The following NRG3 variants were observed in gnomAD, a reference collection of about 807,000 sequenced individuals.
NRG3 encodes pro-neuregulin-3, membrane-bound isoform.
NRG3 carries 31 observed loss-of-function variants against 66.9 expected under a neutral mutation model. The ratio of observed to expected loss-of-function variants is 0.46; its 90% confidence interval spans 0.35 to 0.63. The LOEUF (loss-of-function observed/expected upper bound fraction) is 0.63, where lower values mean the gene tolerates loss of function less well. Ranked by LOEUF, NRG3 falls within the 20% of genes least tolerant of loss-of-function variation. The pLI, the probability that NRG3 is intolerant of heterozygous loss-of-function variation, is 0.00. For missense variants in NRG3, 910 were observed against 878.9 expected, an observed-to-expected ratio of 1.04 and a Z score of -0.45; for synonymous variants, 393 against 359.4, an observed-to-expected ratio of 1.09 and a Z score of -1.06.
At chr10:82,061,839 C>T (rs1453281433) in intron 1 of NRG3, among the ~76,000 whole-genome samples, 1 of 109,338 alleles carries the variant, frequency 9.1e-6, no homozygotes, top group Non-Finnish European at 2.1e-5. Context: ...TGTCAGTGTC[C>T]CTTTCTCTCT....
intron 3 of NRG3, among the ~76,000 whole-genome samples, chr10:82,855,559 G>A (rs1242851109): frequency 3.9e-5 from 6 of 151,910 alleles, no homozygotes; most frequent in East Asian, 1.9e-4. Context: ...CACCATGCCC[G>A]GCTGATTTTC....
At chr10:82,820,014 G>A (rs1198260174) in intron 3 of NRG3, among the ~76,000 whole-genome samples, 1 of 152,204 alleles carries the variant, frequency 6.6e-6, no homozygotes, top group Non-Finnish European at 1.5e-5. Context: ...AGTGAACACA[G>A]ATGGGTCCGG....
chr10:82,397,675 C>G (rs143373642), intron 2 of NRG3, among the ~76,000 whole-genome samples: 1 of 152,148 alleles, frequency 6.6e-6, no homozygotes, highest in African/African-American at 2.4e-5. Context: ...TACAAGGACA[C>G]TTTGTAATGC....
chr10:82,112,597 A>G (rs1172942055), intron 1 of NRG3, among the ~76,000 whole-genome samples: 1 of 152,162 alleles, frequency 6.6e-6, no homozygotes, highest in Non-Finnish European at 1.5e-5. Flanking sequence ...TCTTTTCTAA[A>G]TGGCGCTTCT....
chr10:82,425,629 A>T (rs983378958), intron 2 of NRG3, among the ~76,000 whole-genome samples: 1 of 151,938 alleles, frequency 6.6e-6, no homozygotes, highest in Non-Finnish European at 1.5e-5. Context: ...TTTTGGTGTG[A>T]CTTGTAATTA....
At chr10:82,249,877 A>T (rs983811093) in intron 1 of NRG3, among the ~76,000 whole-genome samples, 1 of 152,214 alleles carries the variant, frequency 6.6e-6, no homozygotes, top group Admixed American at 6.5e-5. Flanking sequence ...CGTTTTTGTC[A>T]GTGTGGTAAC....
chr10:81,997,406 C>G (rs1045849875), intron 1 of NRG3, among the ~76,000 whole-genome samples: 1 of 152,240 alleles, frequency 6.6e-6, no homozygotes, highest in Admixed American at 6.5e-5. Context: ...ACACACTCAG[C>G]TCAGATGCCT....
chr10:82,478,756 T>C (rs1841995161), intron 2 of NRG3, among the ~76,000 whole-genome samples: 1 of 152,232 alleles, frequency 6.6e-6, no homozygotes, highest in South Asian at 2.1e-4. Context: ...TTTAGACTTA[T>C]CCTATTATAT....
At chr10:82,467,901 T>TTG (rs761629516) in intron 2 of NRG3, among the ~76,000 whole-genome samples, 5 of 151,744 alleles carry the variant, frequency 3.3e-5, no homozygotes, top group Non-Finnish European at 7.4e-5. Flanking sequence ...CATATTCATG[T>TTG]TGTGTGTGTG....
At chr10:82,049,521 G>A (rs2063485668) in intron 1 of NRG3, among the ~76,000 whole-genome samples, 1 of 151,940 alleles carries the variant, frequency 6.6e-6, no homozygotes, top group East Asian at 1.9e-4. Flanking sequence ...TTTTCTCTTA[G>A]CTCCTATTGA....
At chr10:82,152,442 G>C (rs979600472) in intron 1 of NRG3, among the ~76,000 whole-genome samples, 2 of 152,148 alleles carry the variant, frequency 1.3e-5, no homozygotes, top group Non-Finnish European at 2.9e-5. Context: ...TTGGCCAAAA[G>C]TCACCCAGCA....
At chr10:81,997,397 C>A (rs1217995953) in intron 1 of NRG3, among the ~76,000 whole-genome samples, 1 of 152,346 alleles carries the variant, frequency 6.6e-6, no homozygotes, top group East Asian at 1.9e-4. Context: ...TGCATCTTTA[C>A]ACACTCAGCT....
intron 5 of NRG3, among the ~76,000 whole-genome samples, chr10:82,953,149 G>C (rs538106070): frequency 1.3e-5 from 2 of 151,996 alleles, no homozygotes; most frequent in African/African-American, 4.8e-5. Context: ...GCAACTCTTG[G>C]CTGTGGCAGT....
At chr10:82,090,693 A>G (rs2065977032) in intron 1 of NRG3, among the ~76,000 whole-genome samples, 1 of 152,154 alleles carries the variant, frequency 6.6e-6, no homozygotes, top group Non-Finnish European at 1.5e-5. Flanking sequence ...CATAAACCAG[A>G]ACTCAGCTGA....
rs944450477 is a variant in NRG3 at position 82,369,977 on chromosome 10, G to A, written c.953+11109G>A. Among the ~76,000 whole-genome samples, 7 of 138,492 alleles carry A rather than the reference G, an allele frequency of 5.1e-5. 1 individual carries two copies. Among genetic ancestry groups the A allele is most frequent in the African/African-American group, 1.0e-4 (3 of 29,876 alleles). 90.9% of individuals were successfully genotyped at this position (138,492 alleles called of 152,430 possible). A position where few individuals can be genotyped will look rare whatever the true frequency, so the allele number is the denominator to read the frequency against. ...ACCCCTGAAGGAGGGGAAGCATGCA[G>A]AAGGGCAGTGCAGAGGCGGGGGCAG... is the stretch of plus-strand genomic sequence containing the variant. On this transcript the variant is annotated intron_variant, in intron 2 of 8. Transcript: ENST00000372141.
chr10:82,983,961 A>C (rs906386311), intron 8 of NRG3, among the ~76,000 whole-genome samples: 2 of 152,230 alleles, frequency 1.3e-5, no homozygotes, highest in South Asian at 4.1e-4. Flanking sequence ...CCTTACAATA[A>C]AGATTTGTAT....
At chr10:82,688,380 A>T (rs776050711) in intron 2 of NRG3, among the ~76,000 whole-genome samples, 3 of 152,164 alleles carry the variant, frequency 2.0e-5, no homozygotes, top group Non-Finnish European at 4.4e-5. Flanking sequence ...AGTGTTTTGG[A>T]TGGAGAATCA....
At chr10:81,941,440 T>C (rs1365547491) in intron 1 of NRG3, among the ~76,000 whole-genome samples, 2 of 152,152 alleles carry the variant, frequency 1.3e-5, no homozygotes, top group East Asian at 1.9e-4. Flanking sequence ...TTTATACTAA[T>C]TTCTACGTGT....
At chr10:82,886,864 A>G (rs1842764110) in intron 4 of NRG3, among the ~76,000 whole-genome samples, 1 of 152,200 alleles carries the variant, frequency 6.6e-6, no homozygotes, top group Non-Finnish European at 1.5e-5. Flanking sequence ...CTCAATTCTT[A>G]TAGCCCAATG....
Sources: gnomAD v4.1 joint callset for allele counts (sites outside exome capture counted in the v4.1 genomes callset) on GRCh38, gnomAD v4.1.1 for gene constraint, MANE v1.5 for transcripts, NCBI Gene and HGNC (gene_info 2026-07-23, HGNC 2026-07-21) for gene names.